The following MKLN1 variants were observed in gnomAD, a reference collection of about 807,000 sequenced individuals.
MKLN1 encodes the protein muskelin 1.
In MKLN1, 18 loss-of-function variants were observed where a neutral mutation model predicts 99.0. The observed-to-expected ratio is 0.18, with a 90% CI of 0.13 to 0.27. The LOEUF (loss-of-function observed/expected upper bound fraction) is 0.27. MKLN1 is among the 10% of genes least tolerant of loss of function. MKLN1 has a pLI of 1.00. For missense variants in MKLN1, 621 were observed against 875.9 expected (o/e 0.71, Z 3.67); for synonymous variants, 288 against 293.2 (o/e 0.98, Z 0.18).
At chr7:131,465,626 C>T (rs1169836983) in intron 14 of MKLN1, among the ~76,000 whole-genome samples, 1 of 152,084 alleles carries the variant, frequency 6.6e-6, no homozygotes, top group East Asian at 1.9e-4. Flanking sequence ...GCAAGCTCTG[C>T]CCCCTGGGTT....
intron 2 of MKLN1, among the ~76,000 whole-genome samples, chr7:131,169,233 C>T (rs1796181248): frequency 6.6e-6 from 1 of 152,184 alleles, no homozygotes; most frequent in African/African-American, 2.4e-5. Context: ...AATACACTAA[C>T]AAACACACAT....
intron 1 of MKLN1, among the ~76,000 whole-genome samples, chr7:131,358,809 A>G: frequency 6.6e-6 from 1 of 152,140 alleles, no homozygotes; most frequent in South Asian, 2.1e-4. Flanking sequence ...TTTTATGGGA[A>G]TAGAGTTGTT....
intron 1 of MKLN1, among the ~76,000 whole-genome samples, chr7:131,127,105 C>G (rs907982475): frequency 6.7e-6 from 1 of 148,720 alleles, no homozygotes. Context: ...GCGGAGGCTG[C>G]GGTGAGCCGA....
In MKLN1 at chr7:131,311,493, C is replaced by G. The variant is rs372010124; in HGVS notation, c.-178-63931C>G. On this transcript the variant is annotated intron_variant, in intron 3 of 7. Coordinates refer to the MKLN1 transcript ENST00000416992. ...ATATAACTCAAAGAAAGTTAAACAC[C>G]ATTATTTCTTTGACAATGCTTTCCA... Among the ~76,000 whole-genome samples the G allele has an allele frequency of 2.6e-5, 4 of 152,178 alleles. No homozygotes were observed. In the South Asian group the frequency reaches 8.3e-4, roughly 32 times the overall value.
At chr7:131,410,650 G>A (rs956569524) in intron 6 of MKLN1, among the ~76,000 whole-genome samples, 1 of 152,132 alleles carries the variant, frequency 6.6e-6, no homozygotes, top group East Asian at 1.9e-4. Context: ...TTGGGGGAAA[G>A]AGATTAGGAT....
rs1303339842 is a variant in MKLN1, at chr7:131,429,227, C to T, written c.960+82C>T. ...TGTTTTTCGGCATGATTATATTCTT[C>T]ACTAATGTCTGTCAGCAGTAGTAGC... On this transcript the variant is annotated intron_variant, in intron 9 of 17. Transcript: ENST00000352689. 3.3e-5 allele frequency: 29 copies of T among 887,378 alleles called. No individual in the cohort carries two copies. In the Admixed American group the frequency reaches 7.2e-4, roughly 22 times the overall value. The allele number at this position is 887,378 out of a possible 1,614,324, so 55.0% of individuals were successfully genotyped here. A position where few individuals can be genotyped will look rare whatever the true frequency, so the allele number is the denominator to read the frequency against.
intron 10 of MKLN1, among the ~76,000 whole-genome samples, 177 bp from the exon 11 acceptor site, chr7:131,443,304 G>A (rs1009102619): frequency 6.6e-6 from 1 of 152,154 alleles, no homozygotes; most frequent in Non-Finnish European, 1.5e-5. Flanking sequence ...TGACAAAAAT[G>A]ACAACTTGAA....
chr7:131,249,496 C>T (rs1273950125), intron 3 of MKLN1, among the ~76,000 whole-genome samples: 1 of 152,186 alleles, frequency 6.6e-6, no homozygotes, highest in African/African-American at 2.4e-5. Flanking sequence ...TTCACTTATA[C>T]AACAGACATT....
At chr7:131,218,503 C>T (rs1797016572) in intron 3 of MKLN1, among the ~76,000 whole-genome samples, 1 of 152,130 alleles carries the variant, frequency 6.6e-6, no homozygotes, top group African/African-American at 2.4e-5. Context: ...AACTAAATTC[C>T]TCCCATAATT....
chr7:131,204,865 C>T (rs748439479), intron 3 of MKLN1, among the ~76,000 whole-genome samples: 1 of 149,864 alleles, frequency 6.7e-6, no homozygotes, highest in East Asian at 2.0e-4. Flanking sequence ...ACTCAGGAGG[C>T]GGAGCTGGCA....
chr7:131,469,274 G>A (rs1796751933), intron 15 of MKLN1, among the ~76,000 whole-genome samples: 1 of 152,112 alleles, frequency 6.6e-6, no homozygotes, highest in African/African-American at 2.4e-5. Context: ...CCATCTCATG[G>A]CTTCTGTTTA....
chr7:131,357,006 A>G (rs1315183214), intron 1 of MKLN1, among the ~76,000 whole-genome samples: 2 of 152,200 alleles, frequency 1.3e-5, no homozygotes, highest in African/African-American at 2.4e-5. Flanking sequence ...GAAGAGGACC[A>G]AGTGAGTGAC....
chr7:131,470,816 T>A lies in MKLN1; in HGVS notation c.1929-26T>A, dbSNP rs750697991. Reference sequence around the variant, plus strand: ...TCTGATATTTTCTCATAACTCCAGATAATTATCCTTGTGTACATTTTCTAG... The same window carrying A: ...TCTGATATTTTCTCATAACTCCAGAAAATTATCCTTGTGTACATTTTCTAG... On this transcript the variant is annotated intron_variant, in intron 15 of 17. Transcript: ENST00000352689. 6 of 1,409,006 alleles carry A rather than the reference T, an allele frequency of 4.3e-6. No individual in the cohort carries two copies. In the African/African-American group the frequency reaches 8.5e-5, roughly 20 times the overall value. 87.3% of individuals were successfully genotyped at this position (1,409,006 alleles called of 1,614,324 possible). A position where few individuals can be genotyped will look rare whatever the true frequency, so the allele number is the denominator to read the frequency against.
intron 3 of MKLN1, among the ~76,000 whole-genome samples, chr7:131,211,500 C>T (rs1180485306): frequency 6.6e-6 from 1 of 152,146 alleles, no homozygotes; most frequent in East Asian, 1.9e-4. Flanking sequence ...ATTGGCTTAT[C>T]ATATTCTGCT....
At chr7:131,215,896 G>C (rs1050182787) in intron 3 of MKLN1, among the ~76,000 whole-genome samples, 4 of 151,980 alleles carry the variant, frequency 2.6e-5, no homozygotes, top group Non-Finnish European at 5.9e-5. Context: ...GTTTGTTTGG[G>C]GGGGATAGGG....
At position 131,419,252 on chromosome 7, in the gene MKLN1, G is replaced by GTTTTT. The variant is rs11482221; in HGVS notation, c.847+4554_847+4558dup. ...TGTATATATATATATATATATTTTT[G>GTTTTT]TTTTTTTTTTTTTTTTGAGACAGAG... On this transcript the variant is annotated intron_variant, in intron 8 of 17. Transcript: ENST00000352689. Among the ~76,000 whole-genome samples, 11 of 115,538 alleles carry GTTTTT rather than the reference G, an allele frequency of 9.5e-5. 1 individual carries two copies. Among genetic ancestry groups the GTTTTT allele is most frequent in the African/African-American group, 1.6e-4 (5 of 30,788 alleles). 75.8% of individuals were successfully genotyped at this position (115,538 alleles called of 152,430 possible). A position where few individuals can be genotyped will look rare whatever the true frequency, so the allele number is the denominator to read the frequency against.
intron 1 of MKLN1, among the ~76,000 whole-genome samples, chr7:131,127,847 C>A (rs533954681): frequency 6.6e-6 from 1 of 152,098 alleles, no homozygotes; most frequent in Non-Finnish European, 1.5e-5. Context: ...GGTTTGGGAT[C>A]ACAGATCAGG....
At chr7:131,471,064 G>T in intron 16 of MKLN1, 120 bp downstream of exon 16, 1 of 642,086 alleles carries the variant, frequency 1.6e-6, no homozygotes, top group East Asian at 2.9e-5. Context: ...GATGACATCA[G>T]TAATCTTTAA....
intron 2 of MKLN1, among the ~76,000 whole-genome samples, chr7:131,154,863 G>A (rs1314019633): frequency 6.6e-6 from 1 of 152,078 alleles, no homozygotes; most frequent in Admixed American, 6.5e-5. Context: ...CTAGAGGGTA[G>A]GAACATGTTT....
Sources: gnomAD v4.1 joint callset for allele counts (sites outside exome capture counted in the v4.1 genomes callset) on GRCh38, gnomAD v4.1.1 for gene constraint, MANE v1.5 for transcripts, NCBI Gene and HGNC (gene_info 2026-07-23, HGNC 2026-07-21) for gene names.